Variants in TCF25 observed in about 807,000 individuals in gnomAD.
The protein encoded by TCF25 is ribosome quality control complex subunit TCF25.
In TCF25, 41 loss-of-function variants were observed where a neutral mutation model predicts 83.1. The ratio of observed to expected loss-of-function variants is 0.49; its 90% CI spans 0.38 to 0.64. TCF25 has a LOEUF of 0.64. Ranked by LOEUF, TCF25 falls within the 30% of genes least tolerant of loss-of-function variation. TCF25 has a pLI of 0.00. For missense variants in TCF25, 979 were observed against 914.5 expected (o/e 1.07, Z -0.91); for synonymous variants, 458 against 365.0 (o/e 1.25, Z -2.90).
rs1031547444 is a variant in TCF25, at chr16:89,904,222, G to A, written c.1469+17G>A. ...TGAAATAAGGTAAAGAGTGGCTGGT[G>A]GTGCCCATCTGTGGGTGCCTGTGGG... On this transcript the variant is annotated intron_variant, in intron 13 of 17. Coordinates refer to ENST00000263346, the MANE Select transcript of TCF25 (RefSeq NM_014972.3). 6.4e-7 allele frequency: 1 copy of A among 1,555,890 alleles called. No homozygotes were observed.
rs1397462348 is a variant in TCF25, at chr16:89,873,709, C to T, written c.42C>T (p.Arg14=). Residue 14 remains arginine, a synonymous_variant, in exon 1 of 18, where the codon CGC becomes CGT. Coordinates refer to ENST00000263346, the MANE Select transcript of TCF25 (RefSeq NM_014972.3). ...RALRRLRGEQ[R]GQEPLGPGAL... is the part of the protein sequence containing the mutation. Reference sequence around the variant, plus strand: ...TCCGGAGGCTGAGGGGGGAACAGCGCGGCCAGGAGCCCCTCGGGCCCGGCG... The same window carrying T: ...TCCGGAGGCTGAGGGGGGAACAGCGTGGCCAGGAGCCCCTCGGGCCCGGCG... 8 of 1,610,010 alleles carry T rather than the reference C, an allele frequency of 5.0e-6. No homozygotes were observed. Among genetic ancestry groups the T allele is most frequent in the South Asian group, 1.1e-5 (1 of 90,742 alleles).
Position 89,908,808 on chromosome 16 carries a change from C to CTCCCAG in TCF25, c.1799+1486_1799+1487insTCCCAG, listed in dbSNP as rs1567746838. On this transcript the variant is annotated intron_variant, in intron 16 of 17. Transcript: ENST00000263346. ...CCCAGTTTCCACCTCCCAGCTCCCA[C>CTCCCAG]CTCGCAGCTCCCAGCTCCCAGCTCC... is the stretch of plus-strand genomic sequence containing the variant. Among the ~76,000 whole-genome samples the CTCCCAG allele has an allele frequency of 1.5e-3, 189 of 123,528 alleles. 2 individuals carry two copies. The highest frequency in any genetic ancestry group is 6.8e-3 in the African/African-American group (177 of 25,988). The allele number at this position is 123,528 out of a possible 152,430, so 81.0% of individuals were successfully genotyped here. A position where few individuals can be genotyped will look rare whatever the true frequency, so the allele number is the denominator to read the frequency against.
intron 1 of TCF25, among the ~76,000 whole-genome samples, chr16:89,876,926 CT>C (rs1208709406): frequency 1.1e-5 from 1 of 94,258 alleles, no homozygotes; most frequent in African/African-American, 5.5e-5. Context: ...GAGACTCCAT[CT>C]AAAAAAAAAA....
rs558978098 is a variant in TCF25 at position 89,908,227 on chromosome 16, CCT to C, written c.1799+909_1799+910del. ...TCCCACCTTCCAACCCCGCCTCCCT[CCT>C]CTCAGTTCCCACCTCCCAGCTCCCA... is the stretch of plus-strand genomic sequence containing the variant. On this transcript the variant is annotated intron_variant, in intron 16 of 17. Transcript: ENST00000263346. Among the ~76,000 whole-genome samples, 167 of 131,736 alleles carry C rather than the reference CCT, an allele frequency of 1.3e-3. 1 individual carries two copies. Among genetic ancestry groups the C allele is most frequent in the African/African-American group, 4.9e-3 (162 of 33,388 alleles). 86.4% of individuals were successfully genotyped at this position (131,736 alleles called of 152,430 possible). A position where few individuals can be genotyped will look rare whatever the true frequency, so the allele number is the denominator to read the frequency against.
At position 89,895,948 on chromosome 16, in the gene TCF25, G is replaced by A. The variant is rs73276554; in HGVS notation, c.929-42G>A. On this transcript the variant is annotated intron_variant, in intron 8 of 17. Coordinates refer to ENST00000263346, the MANE Select transcript of TCF25 (RefSeq NM_014972.3). ...TCAGAGGAGGGGCCGTGGTTGCTGTGTGTGGCCATGACACCCTCCCCTGGC... is the reference window on the plus strand; with the variant it reads ...TCAGAGGAGGGGCCGTGGTTGCTGTATGTGGCCATGACACCCTCCCCTGGC... 12,236 of 1,570,414 alleles carry A rather than the reference G, an allele frequency of 7.8e-3. 875 individuals are homozygous for A. In the African/African-American group the frequency reaches 0.15, roughly 19 times the overall value.
At chr16:89,876,959 A>C (rs2042241124) in intron 1 of TCF25, among the ~76,000 whole-genome samples, 1 of 139,792 alleles carries the variant, frequency 7.2e-6, no homozygotes, top group Non-Finnish European at 1.5e-5. Context: ...AAAATTGGCC[A>C]GGCATGGTGG....
Position 89,887,730 on chromosome 16 carries a change from G to A in TCF25, c.614+13G>A. 8 of 1,562,912 alleles carry A rather than the reference G, an allele frequency of 5.1e-6. No individual in the cohort carries two copies. Among genetic ancestry groups the A allele is most frequent in the Non-Finnish European group, 6.0e-6 (7 of 1,161,084 alleles). ...TGGGGGAGCAAAGGTAAGGTCCACA[G>A]TGAGCTGCATTCTCACAGCTGCTTC... is the stretch of plus-strand genomic sequence containing the variant. On this transcript the variant is annotated intron_variant, in intron 5 of 17. Transcript: ENST00000263346.
rs559873717 is a variant in TCF25, at chr16:89,888,265, C to CA, written c.614+556dup. Among the ~76,000 whole-genome samples, 417 of 148,830 alleles carry CA rather than the reference C, an allele frequency of 2.8e-3. 3 individuals are homozygous for CA. The highest frequency in any genetic ancestry group is 1.0e-2 in the African/African-American group (402 of 40,314). Reference sequence around the variant, plus strand: ...TGGCCGACAGAGCGAGACCGTGTCTCAAAAAAAAGTTTTCAAAAGCTGTTA... The same window carrying CA: ...TGGCCGACAGAGCGAGACCGTGTCTCAAAAAAAAAGTTTTCAAAAGCTGTTA... On this transcript the variant is annotated intron_variant, in intron 5 of 17. Coordinates refer to ENST00000263346, the MANE Select transcript of TCF25 (RefSeq NM_014972.3).
chr16:89,881,976 A>G (rs1461576628), intron 1 of TCF25, among the ~76,000 whole-genome samples: 1 of 151,366 alleles, frequency 6.6e-6, no homozygotes, highest in Non-Finnish European at 1.5e-5. Context: ...GCTGGTCTTG[A>G]ATTGCTGACC....
chr16:89,900,884 T>C, intron 12 of TCF25, 90 bp downstream of exon 12: 1 of 1,340,962 alleles, frequency 7.5e-7, no homozygotes, highest in East Asian at 2.4e-5. Context: ...CAGGTCCCAG[T>C]CCTTCCCCAC....
chr16:89,882,393 C>T (rs745481552), intron 1 of TCF25, among the ~76,000 whole-genome samples: 20 of 151,932 alleles, frequency 1.3e-4, no homozygotes, highest in Non-Finnish European at 2.2e-4. Context: ...AAAAAATTAG[C>T]CAGGCATGGT....
intron 14 of TCF25, among the ~76,000 whole-genome samples, chr16:89,905,564 C>G (rs766148135): frequency 6.6e-6 from 1 of 152,230 alleles, no homozygotes; most frequent in Non-Finnish European, 1.5e-5. Context: ...TGTGCTAGTT[C>G]TGTGCATCAG....
At chr16:89,900,820 G>A (rs1176489488) in intron 12 of TCF25, 26 bp downstream of exon 12, 1 of 1,541,244 alleles carries the variant, frequency 6.5e-7, no homozygotes, top group Non-Finnish European at 8.9e-7. Context: ...GTCTCGCCTG[G>A]GGTAGGGGTG....
chr16:89,877,273 A>T (rs1170571450), intron 1 of TCF25, among the ~76,000 whole-genome samples: 19 of 151,938 alleles, frequency 1.3e-4, no homozygotes, highest in Admixed American at 1.2e-3. Flanking sequence ...TCACAATTAT[A>T]ACTCACTGTA....
chr16:89,880,157 C>T (rs12929893), intron 1 of TCF25, among the ~76,000 whole-genome samples: 19 of 130,700 alleles, frequency 1.5e-4, no homozygotes, highest in Admixed American at 1.2e-3. Flanking sequence ...GCCCATCACG[C>T]GTGCTGTCCG....
chr16:89,904,225 G>T lies in TCF25; in HGVS notation c.1469+20G>T. 1 of 1,554,132 alleles carries T rather than the reference G, an allele frequency of 6.4e-7. No homozygotes were observed. Among genetic ancestry groups the T allele is most frequent in the East Asian group, 2.4e-5 (1 of 41,158 alleles). On this transcript the variant is annotated intron_variant, in intron 13 of 17. Transcript: ENST00000263346. Reference sequence around the variant, plus strand: ...AATAAGGTAAAGAGTGGCTGGTGGTGCCCATCTGTGGGTGCCTGTGGGTTC... The same window carrying T: ...AATAAGGTAAAGAGTGGCTGGTGGTTCCCATCTGTGGGTGCCTGTGGGTTC...
chr16:89,907,119 T>A, intron 15 of TCF25, 124 bp from the exon 16 acceptor site: 1 of 964,652 alleles, frequency 1.0e-6, no homozygotes, highest in Non-Finnish European at 1.6e-6. Context: ...TCTGTCAGAC[T>A]CTGTGGCTAT....
At chr16:89,887,560 C>G (rs2043111196) in intron 4 of TCF25, 92 bp from the exon 5 acceptor site, 2 of 1,250,522 alleles carry the variant, frequency 1.6e-6, no homozygotes, top group Non-Finnish European at 1.1e-6. Context: ...AATCCGTGTT[C>G]TCTCCTTGAC....
In TCF25 at chr16:89,895,046, C is replaced by G; in HGVS notation, c.837C>G (p.Leu279=). 6.2e-7 allele frequency: 1 copy of G among 1,613,094 alleles called. No homozygotes were observed. The highest frequency in any genetic ancestry group is 2.2e-5 in the East Asian group (1 of 44,872). Residue 279 remains leucine (L), a synonymous_variant, in exon 8 of 18, where the codon CTC becomes CTG. Coordinates refer to ENST00000263346, the MANE Select transcript of TCF25 (RefSeq NM_014972.3). ...SMEPNNIVVL[L]QTSPYHVDSL... The stretch of plus-strand genomic sequence containing the variant: ...GTCCTCCCTTCTGGTAGGTTCTGCT[C>G]CAGACGAGCCCTTACCACGTTGACT...
Sources: gnomAD v4.1 joint callset for allele counts (sites outside exome capture counted in the v4.1 genomes callset) on GRCh38, gnomAD v4.1.1 for gene constraint, MANE v1.5 for transcripts, NCBI Gene and HGNC (gene_info 2026-07-23, HGNC 2026-07-21) for gene names.